SMCO2: variants seen among roughly 807,000 people sequenced by gnomAD.
The protein encoded by SMCO2 is single-pass membrane and coiled-coil domain-containing protein 2.
A neutral mutation model predicts 29.5 loss-of-function variants in SMCO2; 25 were observed. The ratio of observed to expected loss-of-function variants is 0.85; its 90% CI spans 0.62 to 1.18. SMCO2 has a LOEUF of 1.18. Among genes scored for constraint, SMCO2 ranks in the 50% most tolerant of loss-of-function variants. The probability of loss-of-function intolerance (pLI) is 0.00; values close to 1 mark genes in which losing one functional copy is unlikely to be tolerated. For synonymous variants in SMCO2, 117 were observed against 123.3 expected, an observed-to-expected ratio of 0.95 and a Z score of 0.34; for missense variants, 348 against 344.5, an observed-to-expected ratio of 1.01 and a Z score of -0.08.
chr12:27,435,416 G>A, the SMCO2 span, among the ~76,000 whole-genome samples: 3 of 150,190 alleles, frequency 2.0e-5, no homozygotes, highest in African/African-American at 7.4e-5. Context: ...CTCTAAAGAG[G>A]TAGTTTTCCT....
chr12:27,495,735 A>T, exon 7 of SMCO2: 1 of 1,537,590 alleles, frequency 6.5e-7, no homozygotes, highest in African/African-American at 1.4e-5. Context: ...TATCAAATGG[A>T]GGCAGAGGAC....
intron 2 of SMCO2, among the ~76,000 whole-genome samples, chr12:27,472,485 A>G (rs1445286177): frequency 2.0e-5 from 3 of 152,160 alleles, no homozygotes; most frequent in African/African-American, 7.2e-5. Flanking sequence ...TTGATTGTGC[A>G]CACTCATTTA....
the SMCO2 span, among the ~76,000 whole-genome samples, chr12:27,426,581 T>G: frequency 1.3e-5 from 2 of 152,206 alleles, no homozygotes; most frequent in Admixed American, 6.5e-5. Context: ...GACAGTAATT[T>G]TAACAATGAT....
chr12:27,456,455 G>A, the SMCO2 span, among the ~76,000 whole-genome samples: 12 of 151,966 alleles, frequency 7.9e-5, no homozygotes, highest in Admixed American at 2.6e-4. Context: ...TAACCTGGTC[G>A]GCAGAGGGGG....
At chr12:27,469,526 C>T (rs941292534) in intron 1 of SMCO2, among the ~76,000 whole-genome samples, 2 of 152,114 alleles carry the variant, frequency 1.3e-5, no homozygotes, top group Admixed American at 1.3e-4. Flanking sequence ...ATAAATCACC[C>T]TTGCAGAAAA....
At chr12:27,434,921 A>C in the SMCO2 span, among the ~76,000 whole-genome samples, 1 of 152,094 alleles carries the variant, frequency 6.6e-6, no homozygotes, top group Non-Finnish European at 1.5e-5. Flanking sequence ...CTACCAGGCC[A>C]TGGAAGGTTC....
At chr12:27,467,457 A>T (rs970069837) in intron 1 of SMCO2, among the ~76,000 whole-genome samples, 1 of 151,298 alleles carries the variant, frequency 6.6e-6, no homozygotes, top group African/African-American at 2.4e-5. Context: ...CATTGGTTCA[A>T]TGAGTCTGGG....
At chr12:27,449,170 C>A in the SMCO2 span, among the ~76,000 whole-genome samples, 7 of 152,174 alleles carry the variant, frequency 4.6e-5, no homozygotes, top group African/African-American at 1.7e-4. Context: ...CACCCCTGCA[C>A]CCGCTTCCGT....
intron 4 of SMCO2, among the ~76,000 whole-genome samples, chr12:27,485,742 C>T (rs948762438): frequency 1.3e-5 from 2 of 152,196 alleles, no homozygotes; most frequent in East Asian, 1.9e-4. Context: ...CCACGGCACT[C>T]AGCCTTTTAT....
At position 27,494,368 on chromosome 12, in the gene SMCO2, G is replaced by C; in HGVS notation, c.507+12G>C. 6.6e-7 allele frequency: 1 copy of C among 1,506,058 alleles called. No homozygotes were observed. Among genetic ancestry groups the C allele is most frequent in the Non-Finnish European group, 8.9e-7 (1 of 1,123,766 alleles). The allele number at this position is 1,506,058 out of a possible 1,614,324, so 93.3% of individuals were successfully genotyped here. A position where few individuals can be genotyped will look rare whatever the true frequency, so the allele number is the denominator to read the frequency against. ...TAGAAAGGCTGGAGGTAAGATTTCA[G>C]TTACACAATTCAAACAATGATAAAA... is the stretch of plus-strand genomic sequence containing the variant. On this transcript the variant is annotated intron_variant, in intron 6 of 7. Transcript: ENST00000298876.
At chr12:27,465,416 A>G (rs1364257326), upstream of SMCO2, among the ~76,000 whole-genome samples, 1 of 152,174 alleles carries the variant, frequency 6.6e-6, no homozygotes, top group Non-Finnish European at 1.5e-5. Context: ...GTCATGATAT[A>G]AGGTGGGGAC....
chr12:27,448,338 A>G, the SMCO2 span, among the ~76,000 whole-genome samples: 6 of 152,214 alleles, frequency 3.9e-5, no homozygotes. Context: ...ACGATAAAGA[A>G]GAGTGCCCTC....
chr12:27,450,406 C>A, the SMCO2 span, among the ~76,000 whole-genome samples: 1 of 151,326 alleles, frequency 6.6e-6, no homozygotes, highest in Non-Finnish European at 1.5e-5. Context: ...GTCCTCATTA[C>A]AAATGAATTT....
chr12:27,470,669 CT>C lies in SMCO2; in HGVS notation c.39del (p.Leu14CysfsTer3). The C allele has an allele frequency of 1.3e-6, 2 of 1,551,224 alleles. No homozygotes were observed. The highest frequency in any genetic ancestry group is 1.7e-6 in the Non-Finnish European group (2 of 1,146,654). ...CCCACAAACCTAAATAACAAAATGT[CT>C]CTGCAGATGAAGATGGACTGCCAGG... On this transcript the variant is annotated frameshift_variant, in exon 2 of 8. Transcript: ENST00000298876. LOFTEE classifies it high-confidence loss of function.
At chr12:27,454,016 A>G in the SMCO2 span, among the ~76,000 whole-genome samples, 2 of 151,904 alleles carry the variant, frequency 1.3e-5, no homozygotes, top group Non-Finnish European at 2.9e-5. Flanking sequence ...ACAGGGTCTC[A>G]CTCTGTCACC....
chr12:27,439,402 C>T, the SMCO2 span, among the ~76,000 whole-genome samples: 1 of 152,144 alleles, frequency 6.6e-6, no homozygotes, highest in Non-Finnish European at 1.5e-5. Flanking sequence ...GAGGCAGTGA[C>T]TTGAATAACT....
chr12:27,477,110 G>A (rs1949593044), intron 4 of SMCO2, among the ~76,000 whole-genome samples: 1 of 151,492 alleles, frequency 6.6e-6, no homozygotes, highest in African/African-American at 2.4e-5. Context: ...ATTTCTTGTG[G>A]TGATGAATTA....
intron 3 of SMCO2, 150 bp downstream of exon 3, chr12:27,473,025 G>A: frequency 1.6e-6 from 1 of 618,770 alleles, no homozygotes; most frequent in Non-Finnish European, 2.8e-6. Flanking sequence ...AATCAGGAGG[G>A]AGGCAGGGAA....
At chr12:27,486,894 C>G (rs1295362958) in intron 4 of SMCO2, among the ~76,000 whole-genome samples, 1 of 152,158 alleles carries the variant, frequency 6.6e-6, no homozygotes, top group African/African-American at 2.4e-5. Flanking sequence ...ACCCTCTTTA[C>G]CTATGCTTCC....
Sources: gnomAD v4.1 joint callset for allele counts (sites outside exome capture counted in the v4.1 genomes callset) on GRCh38, gnomAD v4.1.1 for gene constraint, MANE v1.5 for transcripts, NCBI Gene and HGNC (gene_info 2026-07-23, HGNC 2026-07-21) for gene names.